The following FKBP15 variants were observed in gnomAD, a reference collection of about 807,000 sequenced individuals.
FKBP15 encodes the protein FK506-binding protein 15.
FKBP15 carries 106 observed loss-of-function variants against 158.1 expected under a neutral mutation model. The observed-to-expected ratio is 0.67, with a 90% CI of 0.57 to 0.79. FKBP15 has a LOEUF of 0.79. Among genes scored for constraint, FKBP15 ranks in the 30% least tolerant of loss-of-function variants. The pLI, the probability that FKBP15 is intolerant of heterozygous loss-of-function variation, is 0.00. For missense variants in FKBP15, 1,287 were observed against 1,479.1 expected (o/e 0.87, Z 2.13); for synonymous variants, 547 against 548.6 (o/e 1.00, Z 0.04).
rs975292666 is a variant in FKBP15 at position 113,187,695 on chromosome 9, G to A, written c.1383+98C>T. 1.9e-5 allele frequency: 18 copies of A among 959,082 alleles called. No individual in the cohort carries two copies. The Admixed American group carries it at 3.9e-4, about 21-fold the overall frequency. 59.4% of individuals were successfully genotyped at this position (959,082 alleles called of 1,614,324 possible). A position where few individuals can be genotyped will look rare whatever the true frequency, so the allele number is the denominator to read the frequency against. ...AAAAAATTACAAACTCTGACTTTGG[G>A]GAACTGCTACTGTATGAAATGTACA... On this transcript the variant is annotated intron_variant, in intron 14 of 27. Transcript: ENST00000238256.
At chr9:113,205,698 C>A (rs1057124178) in intron 4 of FKBP15, among the ~76,000 whole-genome samples, 1 of 152,134 alleles carries the variant, frequency 6.6e-6, no homozygotes. Context: ...TGACCATATA[C>A]TTTTATGTCA....
rs1182220792 is a variant in FKBP15 at position 113,199,954 on chromosome 9, C to T, written c.508G>A (p.Ala170Thr). 1 of 1,611,538 alleles carries T rather than the reference C, an allele frequency of 6.2e-7. No homozygotes were observed. Among genetic ancestry groups the T allele is most frequent in the African/African-American group, 1.3e-5 (1 of 74,972 alleles). ...AGGGAAGAGGTACTGTTGCACTTAG[C>T]AATGCACACCTGCAAGACAAAATCA... ...AVEFNKQVCIAKCNSTSSLDA... is the reference protein window; with the variant it reads ...AVEFNKQVCITKCNSTSSLDA... The change falls in exon 7 of 28, where the codon GCT becomes ACT. Residue 170 changes from alanine (A) to threonine (T), a missense_variant. Physicochemically the swap from Ala to Thr is moderately conservative, Grantham distance 58 (BLOSUM62 0). Coordinates refer to ENST00000238256, the MANE Select transcript of FKBP15 (RefSeq NM_015258.2).
intron 20 of FKBP15, 43 bp downstream of exon 20, chr9:113,178,587 G>A: frequency 6.5e-7 from 1 of 1,539,860 alleles, no homozygotes; most frequent in Non-Finnish European, 8.8e-7. Context: ...AATTCCTTGA[G>A]TTTAAATGGC....
At chr9:113,217,415 T>G (rs1831161890) in intron 1 of FKBP15, among the ~76,000 whole-genome samples, 1 of 151,724 alleles carries the variant, frequency 6.6e-6, no homozygotes, top group African/African-American at 2.4e-5. Flanking sequence ...TTTCATTGTG[T>G]TGGCCAGGCT....
Position 113,186,380 on chromosome 9 carries a change from T to C in FKBP15, c.1384-17A>G. The C allele has an allele frequency of 6.8e-7, 1 of 1,464,862 alleles. No homozygotes were observed. The highest frequency in any genetic ancestry group is 1.7e-4 in the Middle Eastern group (1 of 5,822). The allele number at this position is 1,464,862 out of a possible 1,614,324, so 90.7% of individuals were successfully genotyped here. A position where few individuals can be genotyped will look rare whatever the true frequency, so the allele number is the denominator to read the frequency against. On this transcript the variant is annotated splice_polypyrimidine_tract_variant and intron_variant, in intron 14 of 27. Transcript: ENST00000238256. ...TGCATAGGGCTGAGAAACTGACGAG[T>C]TACCACTGGTTGATAAAACATTCAT...
intron 15 of FKBP15, among the ~76,000 whole-genome samples, chr9:113,185,942 G>T (rs1379346262): frequency 1.3e-5 from 2 of 152,104 alleles, no homozygotes; most frequent in South Asian, 2.1e-4. Context: ...AATTAAAAGG[G>T]CCAGGGGAGA....
intron 7 of FKBP15, 149 bp from the exon 8 acceptor site, chr9:113,199,072 A>G: frequency 1.7e-6 from 1 of 598,042 alleles, no homozygotes; most frequent in Admixed American, 2.9e-5. Flanking sequence ...GACCTGAAAT[A>G]TTAGCCCACA....
chr9:113,190,512 T>C lies in FKBP15; in HGVS notation c.1132A>G (p.Ile378Val). 3 of 1,612,426 alleles carry C rather than the reference T, an allele frequency of 1.9e-6. No homozygotes were observed. The highest frequency in any genetic ancestry group is 2.5e-6 in the Non-Finnish European group (3 of 1,179,276). ...TTGGAATCCAGCTGTGGTGGAAGGA[T>C]GGGCAGCATGGGCTGGCCCATTTTA... Reference protein sequence around the residue: ...MAKMGQPMLPILPPQLDSNDS... With the variant: ...MAKMGQPMLPVLPPQLDSNDS... Residue 378 changes from isoleucine to valine, a missense_variant, in exon 12 of 28, where the codon ATC (isoleucine) becomes GTC (valine). Transcript: ENST00000238256.
chr9:113,203,326 G>T (rs953272169), intron 4 of FKBP15, among the ~76,000 whole-genome samples: 1 of 152,044 alleles, frequency 6.6e-6, no homozygotes, highest in African/African-American at 2.4e-5. Context: ...TTGTGTAAAA[G>T]AAAATACAAA....
Position 113,166,168 on chromosome 9 carries a change from G to T in FKBP15, c.3583-13C>A. On this transcript the variant is annotated splice_polypyrimidine_tract_variant and intron_variant, in intron 27 of 27. Transcript: ENST00000238256. ...GTCCCTTCATGCTCTGATAAAACAGGAAAGAGCAGTCAGTCCTCACTTGTG... is the reference window on the plus strand; with the variant it reads ...GTCCCTTCATGCTCTGATAAAACAGTAAAGAGCAGTCAGTCCTCACTTGTG... The T allele has an allele frequency of 5.0e-6, 8 of 1,607,810 alleles. No homozygotes were observed. The highest frequency in any genetic ancestry group is 6.8e-6 in the Non-Finnish European group (8 of 1,176,626).
chr9:113,205,806 T>C (rs1830874619), intron 4 of FKBP15, among the ~76,000 whole-genome samples: 1 of 152,148 alleles, frequency 6.6e-6, no homozygotes, highest in Non-Finnish European at 1.5e-5. Context: ...CAAAATGTGG[T>C]ATATACCTAC....
rs1158950931 is a variant in FKBP15, at chr9:113,169,325, G to A, written c.3384C>T (p.Val1128=). 2 of 1,614,058 alleles carry A rather than the reference G, an allele frequency of 1.2e-6. No homozygotes were observed. Among genetic ancestry groups the A allele is most frequent in the South Asian group, 1.1e-5 (1 of 91,084 alleles). Residue 1128 remains valine, a synonymous_variant, in exon 26 of 28, where the codon GTC becomes GTT. Coordinates refer to ENST00000238256, the MANE Select transcript of FKBP15 (RefSeq NM_015258.2). ...PQPPQLKKDD[V]TSSTGPHKEL... ...CCTTGTGGGGACCGGTGGAGCTAGT[G>A]ACATCATCTTTCTTGAGCTGTGGAG...
chr9:113,201,670 G>A (rs1403165331), intron 6 of FKBP15, among the ~76,000 whole-genome samples: 4 of 152,158 alleles, frequency 2.6e-5, no homozygotes, highest in Non-Finnish European at 4.4e-5. Flanking sequence ...ACTAAAACCC[G>A]ACCGTGCTGG....
chr9:113,215,371 TA>T (rs59050609), intron 1 of FKBP15, among the ~76,000 whole-genome samples: 412 of 134,902 alleles, frequency 3.1e-3, no homozygotes, highest in African/African-American at 3.2e-3. Flanking sequence ...CAAGAAGAGA[TA>T]AAAAAAAAAA....
chr9:113,215,653 T>A (rs1450600273), intron 1 of FKBP15, among the ~76,000 whole-genome samples: 6 of 129,344 alleles, frequency 4.6e-5, no homozygotes, highest in Admixed American at 1.6e-4. Context: ...TATTTTTTTT[T>A]TTTTTTTTTT....
intron 20 of FKBP15, among the ~76,000 whole-genome samples, chr9:113,177,570 G>A (rs1437071431): frequency 1.3e-5 from 2 of 152,110 alleles, no homozygotes; most frequent in African/African-American, 4.8e-5. Context: ...GATGGCTTGA[G>A]GTCAAGAGTT....
intron 27 of FKBP15, among the ~76,000 whole-genome samples, chr9:113,167,027 T>A (rs1440552052): frequency 6.6e-6 from 1 of 152,204 alleles, no homozygotes; most frequent in Non-Finnish European, 1.5e-5. Context: ...TCTGGGCTAA[T>A]CCCACGTCAC....
chr9:113,165,849 C>A lies in FKBP15; in HGVS notation c.*229G>T. ...GGGAACCTACCAGTCCTTCTTCCAA[C>A]TTGCTGCTGAAATCCCAGTGTTCTT... On this transcript the variant is annotated 3_prime_UTR_variant, in exon 28 of 28. Coordinates refer to ENST00000238256, the MANE Select transcript of FKBP15 (RefSeq NM_015258.2). 2.2e-6 allele frequency: 1 copy of A among 462,554 alleles called. No homozygotes were observed. Among genetic ancestry groups the A allele is most frequent in the East Asian group, 3.7e-5 (1 of 26,746 alleles). The allele number at this position is 462,554 out of a possible 1,614,324, so 28.7% of individuals were successfully genotyped here. A position where few individuals can be genotyped will look rare whatever the true frequency, so the allele number is the denominator to read the frequency against.
chr9:113,186,467 T>A, intron 14 of FKBP15, 104 bp from the exon 15 acceptor site: 1 of 803,828 alleles, frequency 1.2e-6, no homozygotes, highest in Non-Finnish European at 2.1e-6. Context: ...GGGAGGAGAC[T>A]CAAACTTACT....
Sources: gnomAD v4.1 joint callset for allele counts (sites outside exome capture counted in the v4.1 genomes callset) on GRCh38, gnomAD v4.1.1 for gene constraint, MANE v1.5 for transcripts, NCBI Gene and HGNC (gene_info 2026-07-23, HGNC 2026-07-21) for gene names.